DLG2: variants seen among roughly 807,000 people sequenced by gnomAD.
DLG2 encodes the protein discs large MAGUK scaffold protein 2.
Under a neutral mutation model 132.5 loss-of-function variants are expected in DLG2, and 45 were observed. That is an observed-to-expected ratio of 0.34 (90% CI 0.27 to 0.44). The LOEUF is 0.44. Ranked by LOEUF, DLG2 falls within the 20% of genes least tolerant of loss-of-function variation. The pLI is 1.00. For missense variants in DLG2, 1,045 were observed against 1,196.9 expected (o/e 0.87, Z 1.87); for synonymous variants, 424 against 419.6 (o/e 1.01, Z -0.13).
chr11:84,614,516 G>C (rs1215829126), intron 6 of DLG2, among the ~76,000 whole-genome samples: 1 of 152,132 alleles, frequency 6.6e-6, no homozygotes, highest in Non-Finnish European at 1.5e-5. Flanking sequence ...AGAGAAATAG[G>C]TTTTACATAA....
intron 6 of DLG2, among the ~76,000 whole-genome samples, chr11:84,563,584 G>C (rs1174721416): frequency 1.3e-5 from 2 of 152,190 alleles, no homozygotes; most frequent in African/African-American, 4.8e-5. Context: ...ACAGCTGCCA[G>C]GTGAGGTTCA....
intron 8 of DLG2, among the ~76,000 whole-genome samples, chr11:84,245,375 A>G (rs73519773): frequency 0.029 from 4,477 of 152,278 alleles, 187 homozygotes; most frequent in African/African-American, 0.1. Context: ...TTGTCCACAA[A>G]TAACTTTTAC....
chr11:85,344,174 T>G (rs1431261428), intron 3 of DLG2, among the ~76,000 whole-genome samples: 1 of 152,182 alleles, frequency 6.6e-6, no homozygotes, highest in Non-Finnish European at 1.5e-5. Context: ...TACTTGCTAT[T>G]GTCTTAAGTA....
chr11:85,087,655 G>T (rs1426959324), intron 6 of DLG2, among the ~76,000 whole-genome samples: 1 of 151,304 alleles, frequency 6.6e-6, no homozygotes, highest in Non-Finnish European at 1.5e-5. Flanking sequence ...TGGCTAACAA[G>T]GTGAAACCCC....
At chr11:85,446,737 G>A (rs1019544056) in intron 3 of DLG2, among the ~76,000 whole-genome samples, 2 of 151,906 alleles carry the variant, frequency 1.3e-5, no homozygotes, top group Non-Finnish European at 2.9e-5. Context: ...CCTAACTGGA[G>A]CTACCTTAAA....
At position 85,338,767 on chromosome 11, in the gene DLG2, C is replaced by T. The variant is rs1045632376; in HGVS notation, c.41-53402G>A. ...GTCGCCCAGCTGGAGTGCAGTGACGCGATCTCGGCTCACTGCAGGCTCCGC... is the reference window on the plus strand; with the variant it reads ...GTCGCCCAGCTGGAGTGCAGTGACGTGATCTCGGCTCACTGCAGGCTCCGC... On this transcript the variant is annotated intron_variant, in intron 3 of 27. Transcript: ENST00000376104. 3.2e-4 allele frequency among the ~76,000 whole-genome samples: 47 copies of T among 145,488 alleles called. 1 individual carries two copies. The highest frequency in any genetic ancestry group is 1.1e-3 in the African/African-American group (42 of 39,020).
At chr11:84,784,761 A>C (rs189461051) in intron 6 of DLG2, among the ~76,000 whole-genome samples, 1 of 152,156 alleles carries the variant, frequency 6.6e-6, no homozygotes, top group African/African-American at 2.4e-5. Flanking sequence ...ATGATCTTAT[A>C]TAAATAGAGA....
intron 2 of DLG2, among the ~76,000 whole-genome samples, chr11:85,605,528 A>G (rs1446352302): frequency 6.6e-6 from 1 of 152,218 alleles, no homozygotes; most frequent in East Asian, 1.9e-4. Flanking sequence ...TTCAGCCATT[A>G]ATCAAGTATT....
chr11:83,569,198 G>GCT (rs34715794), intron 19 of DLG2, among the ~76,000 whole-genome samples: 72,136 of 151,602 alleles, frequency 0.48, 17,766 homozygotes, highest in Admixed American at 0.57. Flanking sequence ...AAAGCTTTAT[G>GCT]CTGTTTTTTT....
At chr11:84,506,742 G>T (rs1289190180) in intron 7 of DLG2, among the ~76,000 whole-genome samples, 1 of 151,986 alleles carries the variant, frequency 6.6e-6, no homozygotes, top group Non-Finnish European at 1.5e-5. Flanking sequence ...AGGAGTGGTG[G>T]GTATTATAGA....
At chr11:84,780,767 A>T (rs1349456121) in intron 6 of DLG2, among the ~76,000 whole-genome samples, 1 of 152,166 alleles carries the variant, frequency 6.6e-6, no homozygotes. Flanking sequence ...ATACACATTT[A>T]GTAACAAATG....
chr11:83,484,363 G>A (rs533699882), intron 21 of DLG2, 135 bp from the exon 22 acceptor site: 6 of 645,072 alleles, frequency 9.3e-6, no homozygotes, highest in Admixed American at 9.1e-5. Flanking sequence ...AGTGGTGCCA[G>A]AGAGTTCTAA....
intron 19 of DLG2, among the ~76,000 whole-genome samples, chr11:83,616,846 C>G (rs948310067): frequency 2.0e-5 from 3 of 152,054 alleles, no homozygotes; most frequent in Non-Finnish European, 4.4e-5. Context: ...GGGTCAAGAG[C>G]CATTTTTAAA....
intron 3 of DLG2, among the ~76,000 whole-genome samples, chr11:85,434,417 T>C (rs1430125396): frequency 6.9e-6 from 1 of 145,244 alleles, no homozygotes; most frequent in Non-Finnish European, 1.5e-5. Flanking sequence ...AAAAAAAAAA[T>C]AGACCACTAA....
At chr11:85,280,868 A>G (rs577011128) in intron 4 of DLG2, among the ~76,000 whole-genome samples, 1 of 151,702 alleles carries the variant, frequency 6.6e-6, no homozygotes, top group South Asian at 2.1e-4. Flanking sequence ...AAATGTTTTT[A>G]AAAAGGTCAT....
chr11:85,280,237 G>A (rs1447351038), intron 4 of DLG2, among the ~76,000 whole-genome samples: 4 of 151,970 alleles, frequency 2.6e-5, no homozygotes, highest in Non-Finnish European at 5.9e-5. Flanking sequence ...ATCAATATAA[G>A]TGCTCTTTAT....
At chr11:83,827,429 C>G (rs1030662463) in intron 17 of DLG2, among the ~76,000 whole-genome samples, 1 of 152,134 alleles carries the variant, frequency 6.6e-6, no homozygotes, top group Non-Finnish European at 1.5e-5. Context: ...TCAGCTGTGA[C>G]TCATTTTTAC....
chr11:84,635,300 A>C (rs1332919532), intron 6 of DLG2, among the ~76,000 whole-genome samples: 2 of 151,946 alleles, frequency 1.3e-5, no homozygotes, highest in African/African-American at 4.8e-5. Flanking sequence ...TATATTCCTT[A>C]CCCACCCTTC....
At chr11:84,198,441 T>A (rs969689952) in intron 8 of DLG2, among the ~76,000 whole-genome samples, 9 of 152,104 alleles carry the variant, frequency 5.9e-5, no homozygotes, top group Non-Finnish European at 1.0e-4. Flanking sequence ...TAATTTTATT[T>A]TAAAAAATTG....
Sources: allele counts gnomAD v4.1 joint callset (sites outside exome capture counted in the v4.1 genomes callset), GRCh38; gene constraint gnomAD v4.1.1; transcripts MANE v1.5; gene names NCBI Gene and HGNC (gene_info 2026-07-23, HGNC 2026-07-21).